Variants in SIM1 observed in about 807,000 individuals in gnomAD.
The protein encoded by SIM1 is SIM bHLH transcription factor 1.
A neutral mutation model predicts 78.2 loss-of-function variants in SIM1; 18 were observed. That is an observed-to-expected ratio of 0.23 (90% CI 0.16 to 0.34). The LOEUF is 0.34. Ranked by LOEUF, SIM1 falls within the 10% of genes least tolerant of loss-of-function variation. The probability of loss-of-function intolerance (pLI) is 1.00; values close to 1 mark genes in which losing one functional copy is unlikely to be tolerated. For synonymous variants in SIM1, 417 were observed against 385.2 expected, an observed-to-expected ratio of 1.08 and a Z score of -0.97; for missense variants, 939 against 975.1, an observed-to-expected ratio of 0.96 and a Z score of 0.49.
intron 2 of SIM1, among the ~76,000 whole-genome samples, chr6:100,454,056 C>T (rs1772584427): frequency 6.6e-6 from 1 of 152,234 alleles, no homozygotes; most frequent in East Asian, 1.9e-4. Context: ...CTCTTCTAAA[C>T]TAAAACTGGT....
chr6:100,403,631 G>A (rs536743511), intron 10 of SIM1, among the ~76,000 whole-genome samples: 1 of 152,248 alleles, frequency 6.6e-6, no homozygotes, highest in African/African-American at 2.4e-5. Context: ...AACAAAATAG[G>A]AGTTCAAAGA....
intron 9 of SIM1, among the ~76,000 whole-genome samples, chr6:100,443,716 C>T (rs1335549892): frequency 6.6e-6 from 1 of 151,984 alleles, no homozygotes; most frequent in East Asian, 1.9e-4. Context: ...ATAAATGATA[C>T]AGTGGCTACG....
At chr6:100,449,067 A>T (rs1238509065) in intron 6 of SIM1, among the ~76,000 whole-genome samples, 1 of 152,072 alleles carries the variant, frequency 6.6e-6, no homozygotes, top group African/African-American at 2.4e-5. Context: ...CACCAAAGTT[A>T]CTCGCCCATT....
intron 9 of SIM1, among the ~76,000 whole-genome samples, chr6:100,440,010 A>T (rs1218590569): frequency 1.3e-5 from 2 of 152,220 alleles, no homozygotes; most frequent in Non-Finnish European, 2.9e-5. Flanking sequence ...ATAAACACCT[A>T]AATTTATGGA....
intron 9 of SIM1, among the ~76,000 whole-genome samples, chr6:100,433,740 C>CACACACACA (rs1771966983): frequency 8.0e-5 from 10 of 124,292 alleles, no homozygotes; most frequent in East Asian, 2.5e-4. Flanking sequence ...ACCCCCCCAC[C>CACACACACA]CACACACACA....
chr6:100,431,116 TC>T, intron 9 of SIM1, among the ~76,000 whole-genome samples: 1 of 152,268 alleles, frequency 6.6e-6, no homozygotes, highest in East Asian at 1.9e-4. Flanking sequence ...AGCCTCAGAT[TC>T]TGAACTCCCC....
chr6:100,428,820 G>A (rs907191458), intron 9 of SIM1, among the ~76,000 whole-genome samples: 2 of 151,652 alleles, frequency 1.3e-5, no homozygotes, highest in Non-Finnish European at 2.9e-5. Flanking sequence ...TTAAAATAGG[G>A]TATAATAAGA....
chr6:100,415,899 C>T (rs539690295), intron 10 of SIM1, among the ~76,000 whole-genome samples: 1 of 152,252 alleles, frequency 6.6e-6, no homozygotes, highest in Admixed American at 6.5e-5. Context: ...AAACTTTACC[C>T]TCATACAATG....
chr6:100,441,794 C>T (rs183757120), intron 9 of SIM1, among the ~76,000 whole-genome samples: 2 of 152,188 alleles, frequency 1.3e-5, no homozygotes, highest in East Asian at 3.9e-4. Flanking sequence ...ATCTGCGCAC[C>T]CTTGTGAAGC....
intron 9 of SIM1, among the ~76,000 whole-genome samples, chr6:100,438,666 G>A (rs951190709): frequency 1.3e-5 from 2 of 152,200 alleles, no homozygotes; most frequent in Admixed American, 6.5e-5. Flanking sequence ...GCACATGCAT[G>A]TTTATAGCAG....
At chr6:100,425,804 C>T (rs1750062735) in intron 9 of SIM1, among the ~76,000 whole-genome samples, 1 of 152,164 alleles carries the variant, frequency 6.6e-6, no homozygotes, top group African/African-American at 2.4e-5. Context: ...AAGTTACATG[C>T]ATGCTCAGTA....
intron 6 of SIM1, 81 bp downstream of exon 6, chr6:100,449,282 A>G: frequency 8.5e-7 from 1 of 1,171,152 alleles, no homozygotes; most frequent in South Asian, 1.3e-5. Flanking sequence ...TCCCAGAGGT[A>G]GGGACATTCC....
chr6:100,393,209 A>G (rs893351509), intron 11 of SIM1, among the ~76,000 whole-genome samples: 12 of 152,250 alleles, frequency 7.9e-5, no homozygotes, highest in African/African-American at 1.9e-4. Flanking sequence ...ATGCGTACAC[A>G]CTACAAATTC....
chr6:100,426,561 T>C (rs1771735923), intron 9 of SIM1, among the ~76,000 whole-genome samples: 1 of 152,176 alleles, frequency 6.6e-6, no homozygotes, highest in African/African-American at 2.4e-5. Flanking sequence ...GAGAAATGCA[T>C]TAACATTATT....
chr6:100,444,036 A>G (rs1772287567), intron 9 of SIM1, among the ~76,000 whole-genome samples: 1 of 152,116 alleles, frequency 6.6e-6, no homozygotes, highest in African/African-American at 2.4e-5. Context: ...AAATACATGT[A>G]GTCTGAAAAC....
intron 9 of SIM1, among the ~76,000 whole-genome samples, chr6:100,438,879 A>G (rs566435746): frequency 1.1e-3 from 164 of 152,312 alleles, no homozygotes; most frequent in Non-Finnish European, 1.6e-3. Context: ...CAAATATCAT[A>G]TGTTCTCAGT....
intron 4 of SIM1, 23 bp downstream of exon 4, chr6:100,450,244 G>T: frequency 3.8e-6 from 6 of 1,595,116 alleles, no homozygotes; most frequent in Non-Finnish European, 5.2e-6. Context: ...ACTGCAGGTG[G>T]GATATGTGAA....
chr6:100,454,307 A>G (rs949989631), intron 2 of SIM1, among the ~76,000 whole-genome samples: 4 of 152,200 alleles, frequency 2.6e-5, no homozygotes, highest in African/African-American at 4.8e-5. Context: ...GCCAGGTCCA[A>G]CCGGTCCTTG....
intron 10 of SIM1, among the ~76,000 whole-genome samples, chr6:100,420,191 A>G (rs1219554114): frequency 6.6e-6 from 1 of 152,142 alleles, no homozygotes; most frequent in East Asian, 1.9e-4. Context: ...AAGAACCAGG[A>G]ATCCTATTTG....
Sources: gnomAD v4.1 joint callset for allele counts (sites outside exome capture counted in the v4.1 genomes callset) on GRCh38, gnomAD v4.1.1 for gene constraint, MANE v1.5 for transcripts, NCBI Gene and HGNC (gene_info 2026-07-23, HGNC 2026-07-21) for gene names.